Variants in UBE2J1 observed in about 807,000 individuals in gnomAD.
The protein encoded by UBE2J1 is ubiquitin-conjugating enzyme E2 J1.
Under a neutral mutation model 42.1 loss-of-function variants are expected in UBE2J1, and 17 were observed. The ratio of observed to expected loss-of-function variants is 0.40; its 90% CI spans 0.28 to 0.61. The LOEUF is 0.61. Among genes scored for constraint, UBE2J1 ranks in the 20% least tolerant of loss-of-function variants. The pLI, the probability that UBE2J1 is intolerant of heterozygous loss-of-function variation, is 0.38. For synonymous variants in UBE2J1, 127 were observed against 137.2 expected, an observed-to-expected ratio of 0.93 and a Z score of 0.52; for missense variants, 291 against 389.4, an observed-to-expected ratio of 0.75 and a Z score of 2.13.
chr6:89,332,961 T>C, intron 7 of UBE2J1, 125 bp downstream of exon 7: 1 of 695,930 alleles, frequency 1.4e-6, no homozygotes, highest in Admixed American at 3.3e-5. Context: ...GCGGGACTGA[T>C]GAGTTAGAAT....
At chr6:89,330,262 C>T (rs988048209) in intron 7 of UBE2J1, among the ~76,000 whole-genome samples, 1 of 152,022 alleles carries the variant, frequency 6.6e-6, no homozygotes, top group Non-Finnish European at 1.5e-5. Flanking sequence ...TATGTATATA[C>T]ATATAATGTT....
intron 1 of UBE2J1, among the ~76,000 whole-genome samples, chr6:89,350,037 AG>A (rs1170534690): frequency 1.6e-4 from 6 of 38,668 alleles, no homozygotes; most frequent in African/African-American, 9.9e-4. Context: ...CTGCTACTAC[AG>A]TAGCAGATCC....
chr6:89,330,923 C>T (rs937863868), intron 7 of UBE2J1, among the ~76,000 whole-genome samples: 7 of 152,142 alleles, frequency 4.6e-5, no homozygotes, highest in African/African-American at 1.7e-4. Context: ...TTCAGAACCT[C>T]GATCCCTACC....
chr6:89,337,608 C>T (rs192399352), intron 5 of UBE2J1, among the ~76,000 whole-genome samples: 241 of 152,138 alleles, frequency 1.6e-3, no homozygotes, highest in African/African-American at 5.5e-3. Flanking sequence ...TAGGTATCAG[C>T]ACTACTCAAA....
In UBE2J1 at chr6:89,329,514, C is replaced by A; in HGVS notation, c.*165G>T. On this transcript the variant is annotated 3_prime_UTR_variant, in exon 8 of 8. Coordinates refer to ENST00000435041, the MANE Select transcript of UBE2J1 (RefSeq NM_016021.3). ...CTTTAAGCAGGACGTAACTGCTAGA[C>A]ACAGTCTGAATGTCTAGATATATTT... The A allele has an allele frequency of 1.4e-6, 1 of 728,270 alleles. No individual in the cohort carries two copies. Among genetic ancestry groups the A allele is most frequent in the South Asian group, 1.9e-5 (1 of 52,662 alleles). 45.1% of individuals were successfully genotyped at this position (728,270 alleles called of 1,614,324 possible). A position where few individuals can be genotyped will look rare whatever the true frequency, so the allele number is the denominator to read the frequency against.
Position 89,352,720 on chromosome 6 carries a change from G to A in UBE2J1, c.-151C>T. On this transcript the variant is annotated 5_prime_UTR_variant, in exon 1 of 8. Transcript: ENST00000435041. ...CCAGTCCAGCCTGGACTGCGGGCGG[G>A]GTGGCAAGGCTGAGTGCGGGCGAGG... 1.2e-6 allele frequency: 1 copy of A among 845,714 alleles called. No individual in the cohort carries two copies. The highest frequency in any genetic ancestry group is 1.7e-6 in the Non-Finnish European group (1 of 603,612). 52.4% of individuals were successfully genotyped at this position (845,714 alleles called of 1,614,324 possible).
At chr6:89,331,444 T>C (rs1264134981) in intron 7 of UBE2J1, among the ~76,000 whole-genome samples, 1 of 152,246 alleles carries the variant, frequency 6.6e-6, no homozygotes. Flanking sequence ...TTGTACACTC[T>C]AATTTACTTA....
At position 89,338,466 on chromosome 6, in the gene UBE2J1, C is replaced by T. The variant is rs766064149; in HGVS notation, c.315G>A (p.Ser105=). 5.8e-5 allele frequency: 94 copies of T among 1,609,596 alleles called. No individual in the cohort carries two copies. The highest frequency in any genetic ancestry group is 7.8e-5 in the South Asian group (7 of 89,840). ...CTATAAATTAACACTTACTACTCCA[C>T]GAAGGCTGCCAAGTTTCAGGATGAT... ...SGHHPETWQP[S]WSIRTALLAI... Residue 105 remains serine, a synonymous_variant, in exon 4 of 8, where the codon TCG becomes TCA. Coordinates refer to ENST00000435041, the MANE Select transcript of UBE2J1 (RefSeq NM_016021.3).
intron 6 of UBE2J1, 80 bp downstream of exon 6, chr6:89,335,222 C>A: frequency 7.8e-7 from 1 of 1,280,830 alleles, no homozygotes. Context: ...AATAGAACTG[C>A]ATCGCTTTCC....
chr6:89,331,441 C>T (rs1768006594), intron 7 of UBE2J1, among the ~76,000 whole-genome samples: 1 of 152,146 alleles, frequency 6.6e-6, no homozygotes, highest in African/African-American at 2.4e-5. Context: ...TATTTGTACA[C>T]TCTAATTTAC....
chr6:89,336,529 C>G (rs2127863977), intron 5 of UBE2J1, among the ~76,000 whole-genome samples: 1 of 147,324 alleles, frequency 6.8e-6, no homozygotes, highest in East Asian at 2.0e-4. Context: ...GACAGTGTCT[C>G]CCTGTGTTAT....
rs962426009 is a variant in UBE2J1, at chr6:89,328,050, A to C, written c.*1629T>G. ...TAGACTTTAACAAATTCAGCTACAG[A>C]TATAAAAAATAATCTGTAAACACCT... On this transcript the variant is annotated 3_prime_UTR_variant, in exon 8 of 8. Transcript: ENST00000435041. The C allele has an allele frequency of 6.6e-6, 1 of 152,230 alleles. No homozygotes were observed. The highest frequency in any genetic ancestry group is 2.4e-5 in the African/African-American group (1 of 41,466). The allele number at this position is 152,230 out of a possible 1,614,324, so 9.4% of individuals were successfully genotyped here.
chr6:89,339,163 G>A (rs975895535), intron 3 of UBE2J1, among the ~76,000 whole-genome samples: 15 of 151,442 alleles, frequency 9.9e-5, no homozygotes, highest in East Asian at 4.0e-4. Context: ...AGTGGCTCAC[G>A]CCTGTAATCC....
Position 89,327,753 on chromosome 6 carries a change from G to A in UBE2J1, c.*1926C>T, listed in dbSNP as rs1767935326. 1 of 152,202 alleles carries A rather than the reference G, an allele frequency of 6.6e-6. No individual in the cohort carries two copies. Among genetic ancestry groups the A allele is most frequent in the Non-Finnish European group, 1.5e-5 (1 of 68,032 alleles). 9.4% of individuals were successfully genotyped at this position (152,202 alleles called of 1,614,324 possible). A position where few individuals can be genotyped will look rare whatever the true frequency, so the allele number is the denominator to read the frequency against. ...TGCAATAAGATCACATCGATCCAGA[G>A]GCTGGCTCAAGTTTGACTGAGGGGA... On this transcript the variant is annotated 3_prime_UTR_variant, in exon 8 of 8. Transcript: ENST00000435041.
At chr6:89,341,687 G>A (rs1768248452) in intron 3 of UBE2J1, among the ~76,000 whole-genome samples, 1 of 151,694 alleles carries the variant, frequency 6.6e-6, no homozygotes, top group African/African-American at 2.4e-5. Context: ...TCGTGCTACT[G>A]CGCTCCAGCC....
chr6:89,342,273 G>C, intron 3 of UBE2J1, 51 bp downstream of exon 3: 1 of 1,595,248 alleles, frequency 6.3e-7, no homozygotes, highest in Non-Finnish European at 8.6e-7. Context: ...ATATTTTGCA[G>C]CTACCAGGAA....
At chr6:89,338,340 A>G in intron 4 of UBE2J1, 30 bp from the exon 5 acceptor site, 1 of 1,596,984 alleles carries the variant, frequency 6.3e-7, no homozygotes, top group East Asian at 2.2e-5. Flanking sequence ...ATCAATCTAA[A>G]TTGCTTTGTA....
rs149997085 is a variant in UBE2J1 at position 89,341,826 on chromosome 6, C to T, written c.237+498G>A. On this transcript the variant is annotated intron_variant, in intron 3 of 7. Coordinates refer to ENST00000435041, the MANE Select transcript of UBE2J1 (RefSeq NM_016021.3). ...ATAAACAGTAATAATAATGCTAACACTTATTGAGTATTCTGTGTCAGGCTC... is the reference window on the plus strand; with the variant it reads ...ATAAACAGTAATAATAATGCTAACATTTATTGAGTATTCTGTGTCAGGCTC... Among the ~76,000 whole-genome samples the T allele has an allele frequency of 5.1e-3, 774 of 152,248 alleles. 5 individuals carry two copies. The highest frequency in any genetic ancestry group is 0.027 in the South Asian group (130 of 4,818).
Position 89,329,735 on chromosome 6 carries a change from G to A in UBE2J1, c.901C>T (p.Leu301Phe), listed in dbSNP as rs1313047141. The A allele has an allele frequency of 5.0e-6, 8 of 1,614,066 alleles. No homozygotes were observed. Among genetic ancestry groups the A allele is most frequent in the Non-Finnish European group, 5.9e-6 (7 of 1,179,964 alleles). Residue 301 changes from leucine (L) to phenylalanine (F), a missense_variant, in exon 8 of 8, where the codon CTT (leucine) becomes TTT (phenylalanine). Coordinates refer to ENST00000435041, the MANE Select transcript of UBE2J1 (RefSeq NM_016021.3). ...IVILTLALAALIFRRIYLANE... is the reference protein window; with the variant it reads ...IVILTLALAAFIFRRIYLANE... Reference sequence around the variant, plus strand: ...GCCAGATATATTCGTCGGAATATAAGAGCTGCCAATGCCAAAGTCAGGATG... The same window carrying A: ...GCCAGATATATTCGTCGGAATATAAAAGCTGCCAATGCCAAAGTCAGGATG...
Sources: gnomAD v4.1 joint callset for allele counts (sites outside exome capture counted in the v4.1 genomes callset) on GRCh38, gnomAD v4.1.1 for gene constraint, MANE v1.5 for transcripts, NCBI Gene and HGNC (gene_info 2026-07-23, HGNC 2026-07-21) for gene names.